Variants in ADGRV1 observed in about 807,000 individuals in gnomAD.
ADGRV1 encodes the protein adhesion G protein-coupled receptor V1.
In ADGRV1, 359 loss-of-function variants were observed where a neutral mutation model predicts 596.2. That is an observed-to-expected ratio of 0.60 (90% confidence interval 0.55 to 0.66). ADGRV1 has a LOEUF of 0.66. Among genes scored for constraint, ADGRV1 ranks in the 30% least tolerant of loss-of-function variants. ADGRV1 has a pLI of 0.00. For synonymous variants in ADGRV1, 2,681 were observed against 2,679.2 expected (o/e 1.00, Z -0.02); for missense variants, 7,274 against 7,575.6 (o/e 0.96, Z 1.48).
chr5:90,585,671 A>G (rs746192370), intron 1 of ADGRV1, among the ~76,000 whole-genome samples: 1 of 152,240 alleles, frequency 6.6e-6, no homozygotes, highest in African/African-American at 2.4e-5. Context: ...GTCAGAAGCC[A>G]TATTGTCAGA....
chr5:90,644,995 A>G, intron 15 of ADGRV1, 126 bp downstream of exon 15: 2 of 669,444 alleles, frequency 3.0e-6, no homozygotes, highest in Non-Finnish European at 4.7e-6. Context: ...CTCAGGTGTG[A>G]CAGTGTCTGA....
intron 87 of ADGRV1, among the ~76,000 whole-genome samples, chr5:91,143,294 G>A (rs1165378959): frequency 6.6e-6 from 1 of 152,188 alleles, no homozygotes; most frequent in Non-Finnish European, 1.5e-5. Context: ...CTGCAATATG[G>A]CAAGGAAGGG....
chr5:90,605,763 T>C (rs551557729), intron 1 of ADGRV1, among the ~76,000 whole-genome samples: 1 of 152,284 alleles, frequency 6.6e-6, no homozygotes, highest in South Asian at 2.1e-4. Flanking sequence ...AAAGCATTTT[T>C]GGAACAAAAT....
intron 82 of ADGRV1, among the ~76,000 whole-genome samples, chr5:90,860,489 G>A (rs968760271): frequency 6.6e-6 from 1 of 152,032 alleles, no homozygotes; most frequent in South Asian, 2.1e-4. Context: ...TGGTAGAGAC[G>A]GGGTTTTGTG....
At chr5:91,134,968 G>A (rs917074889) in intron 87 of ADGRV1, among the ~76,000 whole-genome samples, 17 of 151,898 alleles carry the variant, frequency 1.1e-4, no homozygotes, top group African/African-American at 4.1e-4. Context: ...GATCACTTGA[G>A]GTCAGGAGTT....
rs141942705 is a variant in ADGRV1, at chr5:91,118,177, T to C, written c.18432+15837T>C. Reference sequence around the variant, plus strand: ...AAAGGAAGTCTCTTCAGGTTCTTCATATAGAAGTCATGAATGGGAAAATGT... The same window carrying C: ...AAAGGAAGTCTCTTCAGGTTCTTCACATAGAAGTCATGAATGGGAAAATGT... On this transcript the variant is annotated intron_variant, in intron 87 of 89. Coordinates refer to ENST00000405460, the MANE Select transcript of ADGRV1 (RefSeq NM_032119.4). 1.9e-3 allele frequency among the ~76,000 whole-genome samples: 283 copies of C among 152,182 alleles called. 2 individuals are homozygous for C. The highest frequency in any genetic ancestry group is 6.6e-3 in the African/African-American group (274 of 41,518).
At chr5:90,744,025 G>T in intron 50 of ADGRV1, among the ~76,000 whole-genome samples, 1 of 151,830 alleles carries the variant, frequency 6.6e-6, no homozygotes, top group African/African-American at 2.4e-5. Context: ...ATCTAACTCT[G>T]TTGCCTAGGG....
intron 85 of ADGRV1, among the ~76,000 whole-genome samples, chr5:91,009,048 CTG>C (rs775639618): frequency 1.5e-4 from 23 of 152,154 alleles, no homozygotes; most frequent in Non-Finnish European, 2.6e-4. Context: ...CTCAGATAAT[CTG>C]TTGCATTTAT....
chr5:90,718,024 A>G (rs1750384820), intron 43 of ADGRV1: 2 of 152,212 alleles, frequency 1.3e-5, no homozygotes, highest in Admixed American at 1.3e-4. Flanking sequence ...CACCATTTTT[A>G]GTGAACGTTT....
chr5:90,970,101 C>T (rs1174570088), intron 84 of ADGRV1, among the ~76,000 whole-genome samples: 1 of 152,210 alleles, frequency 6.6e-6, no homozygotes, highest in African/African-American at 2.4e-5. Flanking sequence ...TCGGAGGGTC[C>T]CACGCCCACG....
chr5:90,883,189 G>C (rs1769956004), intron 83 of ADGRV1, among the ~76,000 whole-genome samples: 14 of 152,112 alleles, frequency 9.2e-5, no homozygotes, highest in Admixed American at 9.2e-4. Context: ...GTTTTCAGAT[G>C]AACCCTGACA....
At chr5:90,575,784 G>A (rs1301276492) in intron 1 of ADGRV1, among the ~76,000 whole-genome samples, 1 of 152,058 alleles carries the variant, frequency 6.6e-6, no homozygotes, top group East Asian at 1.9e-4. Context: ...ATGGGGGCGG[G>A]TCATCCTGGT....
In ADGRV1 at chr5:90,689,972, T is replaced by C. The variant is rs1746254035; in HGVS notation, c.6602T>C (p.Phe2201Ser). The change falls in exon 30 of 90, where the codon TTT (phenylalanine) becomes TCT (serine). Residue 2201 changes from phenylalanine to serine, a missense_variant. Phe to Ser is a radical substitution (Grantham distance 155). Coordinates refer to ENST00000405460, the MANE Select transcript of ADGRV1 (RefSeq NM_032119.4). ...ATCTATCCTGAACTGGAAGAATCTT[T>C]TCTTGTGCAACTGATGAATGAAACA... is the stretch of plus-strand genomic sequence containing the variant. ...NDIYPELEES[F>S]LVQLMNETTG... The C allele has an allele frequency of 6.2e-7, 1 of 1,610,682 alleles. No individual in the cohort carries two copies. The highest frequency in any genetic ancestry group is 8.5e-7 in the Non-Finnish European group (1 of 1,178,216).
chr5:90,855,967 TA>T, intron 82 of ADGRV1, 66 bp downstream of exon 82: 2 of 1,319,870 alleles, frequency 1.5e-6, no homozygotes, highest in East Asian at 2.3e-5. Flanking sequence ...TGTTTTCCCA[TA>T]ATCCTTTTAC....
At chr5:91,115,824 G>A (rs1411006799) in intron 87 of ADGRV1, among the ~76,000 whole-genome samples, 2 of 152,148 alleles carry the variant, frequency 1.3e-5, no homozygotes, top group African/African-American at 4.8e-5. Flanking sequence ...GTGGGCACCT[G>A]TAATCCCAGC....
intron 83 of ADGRV1, among the ~76,000 whole-genome samples, chr5:90,932,581 T>C (rs7712313): frequency 0.23 from 34,583 of 151,994 alleles, 4,486 homozygotes; most frequent in Non-Finnish European, 0.3. Context: ...AAGTGTTCAC[T>C]AAAAGTTCTA....
chr5:90,569,385 A>ATT (rs1368094540), intron 1 of ADGRV1, among the ~76,000 whole-genome samples: 1 of 16,492 alleles, frequency 6.1e-5, no homozygotes, highest in Non-Finnish European at 9.6e-5. Flanking sequence ...ATATATATAT[A>ATT]TATTTTTTTT....
At chr5:90,572,341 T>G (rs978943956) in intron 1 of ADGRV1, among the ~76,000 whole-genome samples, 2 of 152,140 alleles carry the variant, frequency 1.3e-5, no homozygotes, top group Admixed American at 1.3e-4. Context: ...GACTTCTGTA[T>G]TTAAGCAGGT....
At chr5:91,118,838 C>G (rs1484248637) in intron 87 of ADGRV1, among the ~76,000 whole-genome samples, 1 of 151,936 alleles carries the variant, frequency 6.6e-6, no homozygotes, top group African/African-American at 2.4e-5. Context: ...AGTCAGGGGC[C>G]CTCTGAACTT....
Sources: allele counts gnomAD v4.1 joint callset (sites outside exome capture counted in the v4.1 genomes callset), GRCh38; gene constraint gnomAD v4.1.1; transcripts MANE v1.5; gene names NCBI Gene and HGNC (gene_info 2026-07-23, HGNC 2026-07-21).